Variants in TRIQK observed in about 807,000 individuals in gnomAD.
The protein encoded by TRIQK is triple QxxK/R motif containing.
TRIQK carries 10 observed loss-of-function variants against 10.8 expected under a neutral mutation model. That is an observed-to-expected ratio of 0.92 (90% confidence interval 0.57 to 1.57). The LOEUF is 1.57. Ranked by LOEUF, TRIQK falls within the 40% of genes most tolerant of loss-of-function variation. The pLI is 0.00. For synonymous variants in TRIQK, 33 were observed against 33.7 expected (o/e 0.98, Z 0.07); for missense variants, 107 against 97.7 (o/e 1.09, Z -0.40).
chr8:92,973,702 T>C (rs900941105), intron 1 of TRIQK: 2 of 152,158 alleles, frequency 1.3e-5, no homozygotes, highest in Non-Finnish European at 2.9e-5. Context: ...AAGGATAACA[T>C]TTTTGGTGCA....
chr8:92,911,103 A>G (rs1338183722), intron 3 of TRIQK, among the ~76,000 whole-genome samples: 1 of 151,472 alleles, frequency 6.6e-6, no homozygotes, highest in African/African-American at 2.4e-5. Context: ...GGTACAAGAA[A>G]CAAGGCTAAA....
intron 2 of TRIQK, among the ~76,000 whole-genome samples, chr8:92,940,917 A>G (rs1007460402): frequency 2.0e-5 from 3 of 152,224 alleles, no homozygotes; most frequent in African/African-American, 7.2e-5. Context: ...AACTAAAATA[A>G]TATCAAGTAT....
In TRIQK at chr8:92,892,094, G is replaced by C. The variant is rs1474947693; in HGVS notation, c.62-20C>G. The C allele has an allele frequency of 3.5e-6, 5 of 1,419,678 alleles. No individual in the cohort carries two copies. The highest frequency in any genetic ancestry group is 4.8e-6 in the Non-Finnish European group (5 of 1,044,730). 87.9% of individuals were successfully genotyped at this position (1,419,678 alleles called of 1,614,324 possible). On this transcript the variant is annotated intron_variant, in intron 3 of 4. Transcript: ENST00000521988. Reference sequence around the variant, plus strand: ...GTTTACCTAGAAAGAAATAGTTTCAGACAATGAGTTATGCTCATATATAAT... The same window carrying C: ...GTTTACCTAGAAAGAAATAGTTTCACACAATGAGTTATGCTCATATATAAT...
chr8:93,000,609 C>T (rs993745104), intron 1 of TRIQK, among the ~76,000 whole-genome samples: 24 of 151,972 alleles, frequency 1.6e-4, no homozygotes, highest in Admixed American at 5.3e-4. Flanking sequence ...CAAATCATAT[C>T]AATATCTCAA....
At chr8:92,914,936 A>G (rs1011085314) in intron 3 of TRIQK, among the ~76,000 whole-genome samples, 5 of 152,210 alleles carry the variant, frequency 3.3e-5, no homozygotes, top group Non-Finnish European at 5.9e-5. Context: ...ATTATTCACA[A>G]TAGCCAAGAT....
Position 92,924,288 on chromosome 8 carries a change from T to C in TRIQK, c.-21-7278A>G, listed in dbSNP as rs968449534. 4.6e-5 allele frequency among the ~76,000 whole-genome samples: 7 copies of C among 151,988 alleles called. No individual in the cohort carries two copies. The East Asian group carries it at 1.2e-3, about 25-fold the overall frequency. ...ACAAATTTAAAGTTGTTCATTCACT[T>C]AACATATTTAAGTCATTGAAATGAT... On this transcript the variant is annotated intron_variant, in intron 2 of 4. Coordinates refer to ENST00000521988, the MANE Select transcript of TRIQK (RefSeq NM_001171797.2).
chr8:93,007,445 G>A (rs1425007403), intron 1 of TRIQK, among the ~76,000 whole-genome samples: 1 of 152,158 alleles, frequency 6.6e-6, no homozygotes, highest in African/African-American at 2.4e-5. Context: ...AGAAAACACT[G>A]AAAACTCAAA....
upstream of TRIQK, among the ~76,000 whole-genome samples, chr8:92,968,079 CTTA>C (rs1030461663): frequency 2.0e-5 from 3 of 151,924 alleles, no homozygotes; most frequent in African/African-American, 4.8e-5. Context: ...ATGTTATATG[CTTA>C]TTTCTTTACC....
chr8:92,936,096 T>A (rs1382861182), intron 2 of TRIQK, among the ~76,000 whole-genome samples: 2 of 151,568 alleles, frequency 1.3e-5, no homozygotes, highest in African/African-American at 4.8e-5. Flanking sequence ...GCCTAAAAAT[T>A]GGCACACTTC....
At chr8:92,940,747 T>C (rs1291469974) in intron 2 of TRIQK, among the ~76,000 whole-genome samples, 3 of 152,074 alleles carry the variant, frequency 2.0e-5, no homozygotes, top group Non-Finnish European at 4.4e-5. Flanking sequence ...AAAGAAACAT[T>C]GAATTTAGGC....
chr8:93,012,442 T>TCA (rs1813344478), intron 1 of TRIQK, among the ~76,000 whole-genome samples: 1 of 152,110 alleles, frequency 6.6e-6, no homozygotes, highest in African/African-American at 2.4e-5. Context: ...AGATCCAGCG[T>TCA]TTTCAGAAAA....
At chr8:92,905,616 G>A (rs1809212694) in intron 3 of TRIQK, among the ~76,000 whole-genome samples, 1 of 152,060 alleles carries the variant, frequency 6.6e-6, no homozygotes, top group Non-Finnish European at 1.5e-5. Context: ...TATCTATGTA[G>A]GGGACCTGAA....
intron 3 of TRIQK, among the ~76,000 whole-genome samples, chr8:92,911,988 C>A (rs186860820): frequency 6.7e-6 from 1 of 149,382 alleles, no homozygotes; most frequent in African/African-American, 2.5e-5. Flanking sequence ...GAAAGCAATA[C>A]CATAATAGTA....
rs1816451042 is a variant in TRIQK at position 92,885,914 on chromosome 8, G to A, written c.*708C>T. On this transcript the variant is annotated 3_prime_UTR_variant, in exon 5 of 5. Transcript: ENST00000521988. ...AACATAATTAGAATAGAATTCCAAGGTTATATTAATAGAGTAATAAGTTAA... is the reference window on the plus strand; with the variant it reads ...AACATAATTAGAATAGAATTCCAAGATTATATTAATAGAGTAATAAGTTAA... The A allele has an allele frequency of 6.6e-6, 1 of 151,584 alleles. No homozygotes were observed. 9.4% of individuals were successfully genotyped at this position (151,584 alleles called of 1,614,324 possible). A position where few individuals can be genotyped will look rare whatever the true frequency, so the allele number is the denominator to read the frequency against.
At chr8:92,931,537 G>A (rs973995412) in intron 2 of TRIQK, among the ~76,000 whole-genome samples, 1 of 152,138 alleles carries the variant, frequency 6.6e-6, no homozygotes, top group Admixed American at 6.5e-5. Flanking sequence ...TAGAGGCCTA[G>A]ATTATTGGAA....
chr8:93,012,153 G>A (rs1395792050), intron 1 of TRIQK, among the ~76,000 whole-genome samples: 2 of 152,134 alleles, frequency 1.3e-5, no homozygotes, highest in African/African-American at 4.8e-5. Flanking sequence ...GGCTAATTTT[G>A]AACTCTTGAA....
chr8:92,885,318 G>T lies in TRIQK; in HGVS notation c.*1304C>A. ...ATATACTCCTTAGATATTTCCCAAG[G>T]ATTTCTTCTCTTGGCTAGCAGGAAA... On this transcript the variant is annotated 3_prime_UTR_variant, in exon 5 of 5. Coordinates refer to ENST00000521988, the MANE Select transcript of TRIQK (RefSeq NM_001171797.2). 3 of 190,632 alleles carry T rather than the reference G, an allele frequency of 1.6e-5. No individual in the cohort carries two copies. The highest frequency in any genetic ancestry group is 3.3e-5 in the Non-Finnish European group (3 of 89,980). The allele number at this position is 190,632 out of a possible 1,614,324, so 11.8% of individuals were successfully genotyped here.
Position 92,959,358 on chromosome 8 carries a change from T to C in TRIQK, c.-180-4794A>G, listed in dbSNP as rs562013351. 2.0e-5 allele frequency among the ~76,000 whole-genome samples: 3 copies of C among 152,150 alleles called. No individual in the cohort carries two copies. In the South Asian group the frequency reaches 6.2e-4, roughly 32 times the overall value. On this transcript the variant is annotated intron_variant, in intron 1 of 4. Coordinates refer to ENST00000521988, the MANE Select transcript of TRIQK (RefSeq NM_001171797.2). ...TTTATTTAAATCTAGGTCGTTCTTATTGAATTAATTGTGTAGTATTATCTT... is the reference window on the plus strand; with the variant it reads ...TTTATTTAAATCTAGGTCGTTCTTACTGAATTAATTGTGTAGTATTATCTT...
chr8:92,988,112 A>G (rs548131561), intron 1 of TRIQK, among the ~76,000 whole-genome samples: 83 of 138,172 alleles, frequency 6.0e-4, no homozygotes, highest in African/African-American at 2.2e-3. Flanking sequence ...CCGGGTTCAC[A>G]CCATTCTCCT....
Sources: gnomAD v4.1 joint callset for allele counts (sites outside exome capture counted in the v4.1 genomes callset) on GRCh38, gnomAD v4.1.1 for gene constraint, MANE v1.5 for transcripts, NCBI Gene and HGNC (gene_info 2026-07-23, HGNC 2026-07-21) for gene names.